The following ZRSR2 variants were observed in gnomAD, a reference collection of about 807,000 sequenced individuals.
ZRSR2 encodes zinc finger CCCH-type, RNA binding motif and serine/arginine rich 2.
Under a neutral mutation model 39.4 loss-of-function variants are expected in ZRSR2, and 3 were observed. The observed-to-expected ratio is 0.08, with a 90% confidence interval of 0.03 to 0.20. The LOEUF (loss-of-function observed/expected upper bound fraction) is 0.20, where lower values mean the gene tolerates loss of function less well. Among genes scored for constraint, ZRSR2 ranks in the 10% least tolerant of loss-of-function variants. The probability of loss-of-function intolerance (pLI) is 1.00; values close to 1 mark genes in which losing one functional copy is unlikely to be tolerated. For missense variants in ZRSR2, 256 were observed against 391.5 expected, an observed-to-expected ratio of 0.65 and a Z score of 2.92; for synonymous variants, 137 against 136.0, an observed-to-expected ratio of 1.01 and a Z score of -0.05.
chrX:15,804,633 C>T (rs1221026727), intron 5 of ZRSR2, among the ~76,000 whole-genome samples: 2 of 111,909 alleles, frequency 1.8e-5, no homozygotes, highest in Non-Finnish European at 3.8e-5. Context: ...AAGTTATGTT[C>T]TTCTGAGGTT....
chrX:15,794,517 A>G (rs1170716992), intron 2 of ZRSR2, among the ~76,000 whole-genome samples: 1 of 112,147 alleles, frequency 8.9e-6, no homozygotes, highest in Non-Finnish European at 1.9e-5. Context: ...AAAGAATGTT[A>G]CTAAGAAAAT....
At chrX:15,800,246 GCATGATCTCAGCTCA>G (rs1932627690) in intron 3 of ZRSR2, among the ~76,000 whole-genome samples, 1 of 100,772 alleles carries the variant, frequency 9.9e-6, no homozygotes, top group African/African-American at 3.7e-5. Context: ...GAGTGCAGTG[GCATGATCTCAGCTCA>G]CTGCAATCTC....
chrX:15,822,492 C>T (rs1256280717), intron 10 of ZRSR2, among the ~76,000 whole-genome samples: 3 of 112,484 alleles, frequency 2.7e-5, no homozygotes, highest in Non-Finnish European at 5.6e-5. Flanking sequence ...GGGGCACAGG[C>T]TATTCTGCTT....
chrX:15,794,184 C>T (rs757847109), intron 2 of ZRSR2, among the ~76,000 whole-genome samples: 1 of 111,455 alleles, frequency 9.0e-6, no homozygotes, highest in South Asian at 3.8e-4. Context: ...ATCCAAAATT[C>T]GAAATGCTCC....
In ZRSR2 at chrX:15,822,920, G is replaced by A. The variant is rs780473811; in HGVS notation, c.1127G>A (p.Arg376Lys). 9.2e-5 allele frequency: 112 copies of A among 1,211,263 alleles called. No individual in the cohort carries two copies. In the South Asian group the frequency reaches 1.8e-3, roughly 20 times the overall value. ...RMGHHDDYYS[R>K]LRGRRNPSPD... is the part of the protein sequence containing the mutation. The stretch of plus-strand genomic sequence containing the variant: ...GGCCACCACGACGACTACTACAGCA[G>A]GCTGCGGGGAAGGAGAAACCCTAGT... Residue 376 changes from arginine to lysine, a missense_variant, in exon 11 of 11, where the codon AGG becomes AAG. Physicochemically the swap from Arg to Lys is conservative, Grantham distance 26. Transcript: ENST00000307771.
chrX:15,818,858 C>T (rs1933033938), intron 9 of ZRSR2, among the ~76,000 whole-genome samples: 1 of 110,552 alleles, frequency 9.0e-6, no homozygotes, highest in Non-Finnish European at 1.9e-5. Flanking sequence ...GCCACCTCCA[C>T]CTCCCAGGTT....
intron 2 of ZRSR2, among the ~76,000 whole-genome samples, chrX:15,797,234 G>GT (rs1169888376): frequency 2.9e-5 from 3 of 102,022 alleles, no homozygotes; most frequent in Non-Finnish European, 6.0e-5. Flanking sequence ...TTTTGAGACG[G>GT]TGTTTTGCTC....
intron 3 of ZRSR2, among the ~76,000 whole-genome samples, chrX:15,800,207 A>G (rs1217281765): frequency 1.7e-5 from 1 of 59,013 alleles, no homozygotes; most frequent in East Asian, 5.3e-4. Context: ...TTTTTTTTTT[A>G]GACGGAGTCT....
chrX:15,817,920 A>G (rs1404208957), intron 8 of ZRSR2, among the ~76,000 whole-genome samples: 4 of 112,661 alleles, frequency 3.6e-5, no homozygotes, highest in Non-Finnish European at 5.6e-5. Context: ...TACTATTGAT[A>G]TAAAATTTTA....
chrX:15,809,437 TGCC>T (rs1302282515), intron 7 of ZRSR2, 119 bp downstream of exon 7: 1 of 524,569 alleles, frequency 1.9e-6, no homozygotes, highest in Non-Finnish European at 3.3e-6. Context: ...AGACATCTGC[TGCC>T]TTCTTGCTGC....
At chrX:15,818,021 A>G (rs1933013466) in intron 8 of ZRSR2, among the ~76,000 whole-genome samples, 1 of 112,649 alleles carries the variant, frequency 8.9e-6, no homozygotes, top group Non-Finnish European at 1.9e-5. Flanking sequence ...CATTATAAAT[A>G]ATGGACATTT....
intron 3 of ZRSR2, 79 bp downstream of exon 3, chrX:15,800,032 T>G: frequency 1.5e-6 from 1 of 687,443 alleles, no homozygotes; most frequent in Non-Finnish European, 2.1e-6. Flanking sequence ...CCAGTACCAG[T>G]CTTCTGTATA....
At chrX:15,818,399 C>T (rs1175283732) in intron 8 of ZRSR2, among the ~76,000 whole-genome samples, 188 bp from the exon 9 acceptor site, 1 of 112,545 alleles carries the variant, frequency 8.9e-6, no homozygotes, top group Non-Finnish European at 1.9e-5. Flanking sequence ...CCTGGACCAA[C>T]AGGGATCAGG....
chrX:15,795,589 G>T (rs1029948727), intron 2 of ZRSR2, among the ~76,000 whole-genome samples: 7 of 111,749 alleles, frequency 6.3e-5, no homozygotes, highest in African/African-American at 2.3e-4. Context: ...CATTGTCCAG[G>T]CCTTCTAGTT....
In ZRSR2 at chrX:15,823,232, A is replaced by G. The variant is rs371674714; in HGVS notation, c.1439A>G (p.Lys480Arg). The G allele has an allele frequency of 3.5e-6, 4 of 1,149,112 alleles. No homozygotes were observed. In the African/African-American group the frequency reaches 7.3e-5, roughly 21 times the overall value. The allele number at this position is 1,149,112 out of a possible 1,213,427, so 94.7% of individuals were successfully genotyped here. A position where few individuals can be genotyped will look rare whatever the true frequency, so the allele number is the denominator to read the frequency against. Reference sequence around the variant, plus strand: ...AGAGACAGAACTGTTCAGAGTCCCAAATCCAAATAAACTAGTTTTGTTCTT... The same window carrying G: ...AGAGACAGAACTGTTCAGAGTCCCAGATCCAAATAAACTAGTTTTGTTCTT... ...GNRDRTVQSP[K>R]SK The change falls in exon 11 of 11, where the codon AAA becomes AGA. Residue 480 changes from lysine (K) to arginine (R), a missense_variant. Lys to Arg is a conservative substitution (Grantham distance 26). Coordinates refer to ENST00000307771, the MANE Select transcript of ZRSR2 (RefSeq NM_005089.4).
At chrX:15,808,811 G>A (rs764759825) in intron 6 of ZRSR2, among the ~76,000 whole-genome samples, 1 of 110,154 alleles carries the variant, frequency 9.1e-6, no homozygotes, top group African/African-American at 3.3e-5. Context: ...AGTAGAGATG[G>A]GGTTTCTCCA....
intron 7 of ZRSR2, among the ~76,000 whole-genome samples, chrX:15,810,817 G>A (rs1304372074): frequency 1.9e-5 from 2 of 103,847 alleles, no homozygotes; most frequent in African/African-American, 7.1e-5. Context: ...AGGAGTTTGA[G>A]ACCAGCCTGG....
intron 2 of ZRSR2, among the ~76,000 whole-genome samples, chrX:15,796,747 G>A (rs1457835597): frequency 1.0e-5 from 1 of 99,650 alleles, no homozygotes; most frequent in African/African-American, 3.7e-5. Context: ...CTCTGTCTTA[G>A]AATGGAATGA....
intron 7 of ZRSR2, among the ~76,000 whole-genome samples, chrX:15,811,274 C>A (rs1231006767): frequency 1.8e-5 from 2 of 112,219 alleles, no homozygotes; most frequent in African/African-American, 6.5e-5. Context: ...CTTTCAGAGA[C>A]AACTGAGACT....
Sources: allele counts gnomAD v4.1 joint callset (sites outside exome capture counted in the v4.1 genomes callset), GRCh38; gene constraint gnomAD v4.1.1; transcripts MANE v1.5; gene names NCBI Gene and HGNC (gene_info 2026-07-23, HGNC 2026-07-21).